KLRG2: variants seen among roughly 807,000 people sequenced by gnomAD.
KLRG2 encodes killer cell lectin like receptor G2.
KLRG2 carries 39 observed loss-of-function variants against 35.4 expected under a neutral mutation model. That is an observed-to-expected ratio of 1.10 (90% CI 0.85 to 1.44). The LOEUF is 1.44. KLRG2 is among the 40% of genes most tolerant of loss of function. KLRG2 has a pLI of 0.00. For synonymous variants in KLRG2, 283 were observed against 265.8 expected, an observed-to-expected ratio of 1.06 and a Z score of -0.63; for missense variants, 632 against 570.9, an observed-to-expected ratio of 1.11 and a Z score of -1.09.
At chr7:139,438,457 T>G in the KLRG2 span, among the ~76,000 whole-genome samples, 1 of 152,158 alleles carries the variant, frequency 6.6e-6, no homozygotes, top group Admixed American at 6.6e-5. Flanking sequence ...GTCCAAGAGA[T>G]CCTCCTGCCT....
At chr7:139,429,821 T>TC in the KLRG2 span, among the ~76,000 whole-genome samples, 290 of 150,834 alleles carry the variant, frequency 1.9e-3, 1 homozygote, top group African/African-American at 6.6e-3. Flanking sequence ...TTCCCCACCT[T>TC]CCCCCCCCTT....
chr7:139,451,417 T>C (rs1796373606), downstream of KLRG2, among the ~76,000 whole-genome samples: 2 of 152,074 alleles, frequency 1.3e-5, no homozygotes, highest in Admixed American at 1.3e-4. Context: ...GGAGAATCAT[T>C]TGAACCCAGG....
the KLRG2 span, among the ~76,000 whole-genome samples, chr7:139,437,973 G>T: frequency 6.6e-6 from 1 of 152,188 alleles, no homozygotes; most frequent in Admixed American, 6.5e-5. Context: ...CCAGCTAGTG[G>T]CCTGTTGGGG....
chr7:139,448,925 G>C (rs1211042442), downstream of KLRG2: 1 of 151,752 alleles, frequency 6.6e-6, no homozygotes, highest in Non-Finnish European at 1.5e-5. Flanking sequence ...TGGTCAAGAT[G>C]ATGAAACCCC....
At chr7:139,472,935 CAG>C (rs1796784597) in intron 3 of KLRG2, among the ~76,000 whole-genome samples, 3 of 152,222 alleles carry the variant, frequency 2.0e-5, no homozygotes, top group Non-Finnish European at 4.4e-5. Context: ...AGACGAACCA[CAG>C]AGGCTTTTAG....
In KLRG2 at chr7:139,483,220, C is replaced by T. The variant is rs375435132; in HGVS notation, c.423G>A (p.Thr141=). The change falls in exon 1 of 5, where the codon ACG becomes ACA. Residue 141 remains threonine, a synonymous_variant. Transcript: ENST00000340940. ...KPVGAAGGSS[T]PSPRPSTRFL... is the part of the protein sequence containing the mutation. ...AGCGCGTGGAGGGCCTGGGCGATGG[C>T]GTGCTGCTGCCACCGGCCGCGCCCA... The T allele has an allele frequency of 3.1e-5, 47 of 1,531,072 alleles. No homozygotes were observed. The African/African-American group carries it at 6.4e-4, about 21-fold the overall frequency. 94.8% of individuals were successfully genotyped at this position (1,531,072 alleles called of 1,614,324 possible). A position where few individuals can be genotyped will look rare whatever the true frequency, so the allele number is the denominator to read the frequency against.
chr7:139,444,997 CAA>C, the KLRG2 span, among the ~76,000 whole-genome samples: 9 of 152,056 alleles, frequency 5.9e-5, no homozygotes, highest in Admixed American at 5.2e-4. Context: ...CACCCAAACA[CAA>C]AGAGATTCAG....
At chr7:139,429,545 G>C in the KLRG2 span, among the ~76,000 whole-genome samples, 1 of 151,554 alleles carries the variant, frequency 6.6e-6, no homozygotes, top group Non-Finnish European at 1.5e-5. Flanking sequence ...TGTGTCCCTG[G>C]GTACTTGAGA....
At chr7:139,430,257 C>T in the KLRG2 span, among the ~76,000 whole-genome samples, 1 of 152,188 alleles carries the variant, frequency 6.6e-6, no homozygotes, top group African/African-American at 2.4e-5. Context: ...ACAAAATTAG[C>T]CAGGCGTGGT....
chr7:139,466,299 A>C (rs1185090001), intron 3 of KLRG2, among the ~76,000 whole-genome samples: 2 of 152,162 alleles, frequency 1.3e-5, no homozygotes, highest in African/African-American at 4.8e-5. Flanking sequence ...GGGTCTGAGA[A>C]GGCCACCGCG....
In KLRG2 at chr7:139,483,286, C is replaced by T. The variant is rs1340052085; in HGVS notation, c.357G>A (p.Trp119Ter). Residue 119 changes from tryptophan (W) to a stop codon, truncating the protein, a stop_gained, in exon 1 of 5, where the codon TGG (tryptophan) becomes TGA (stop). Transcript: ENST00000340940. LOFTEE classifies it high-confidence loss of function. ...CATCTACCTGCAGCTCCATGGGCGC[C>T]CAGGCGCTGGGCGCAGGCTCAGCCC... is the stretch of plus-strand genomic sequence containing the variant. ...APGAEPAPSA[W>*]APMELQVDVR... 1 of 1,558,932 alleles carries T rather than the reference C, an allele frequency of 6.4e-7. No individual in the cohort carries two copies. The highest frequency in any genetic ancestry group is 1.8e-5 in the Admixed American group (1 of 55,060).
intron 1 of KLRG2, among the ~76,000 whole-genome samples, chr7:139,482,310 T>C (rs1162062525): frequency 6.6e-6 from 1 of 152,208 alleles, no homozygotes; most frequent in African/African-American, 2.4e-5. Flanking sequence ...CTTCCACTGC[T>C]ACTTCTCAAA....
chr7:139,481,087 C>A (rs375986221), intron 1 of KLRG2, among the ~76,000 whole-genome samples: 4 of 152,102 alleles, frequency 2.6e-5, no homozygotes, highest in East Asian at 3.9e-4. Context: ...TGGTGAGCAT[C>A]AGAAGTGGCA....
chr7:139,437,487 C>T, the KLRG2 span, among the ~76,000 whole-genome samples: 3 of 151,306 alleles, frequency 2.0e-5, no homozygotes, highest in Non-Finnish European at 2.9e-5. Flanking sequence ...GACAGAGTCT[C>T]GCTCTGTTGC....
chr7:139,431,376 CT>C, the KLRG2 span, among the ~76,000 whole-genome samples: 1 of 152,010 alleles, frequency 6.6e-6, no homozygotes, highest in East Asian at 1.9e-4. Context: ...AATAGATACA[CT>C]TTCTTCATTA....
At chr7:139,473,461 C>A (rs1415722840) in intron 3 of KLRG2, among the ~76,000 whole-genome samples, 1 of 152,104 alleles carries the variant, frequency 6.6e-6, no homozygotes. Context: ...TAAAAAAGCT[C>A]AGCCTCACCC....
chr7:139,450,841 C>T (rs1055134966), downstream of KLRG2, among the ~76,000 whole-genome samples: 5 of 152,302 alleles, frequency 3.3e-5, no homozygotes, highest in Middle Eastern at 3.4e-3. Flanking sequence ...CCCCTTCAAA[C>T]TGGCTGGCCC....
chr7:139,480,128 A>G lies in KLRG2; in HGVS notation c.859+18T>C, dbSNP rs763258232. 16 of 1,530,358 alleles carry G rather than the reference A, an allele frequency of 1.0e-5. No individual in the cohort carries two copies. The highest frequency in any genetic ancestry group is 1.7e-4 in the Middle Eastern group (1 of 5,906). 94.8% of individuals were successfully genotyped at this position (1,530,358 alleles called of 1,614,324 possible). ...GGAGCGGCAGGGAGAGGGGATGGGG[A>G]CTGCAGGGACACCATACCTGCTCTT... On this transcript the variant is annotated intron_variant, in intron 2 of 4. Transcript: ENST00000340940.
intron 3 of KLRG2, among the ~76,000 whole-genome samples, chr7:139,455,462 C>G (rs921472269): frequency 6.6e-6 from 1 of 151,924 alleles, no homozygotes; most frequent in Non-Finnish European, 1.5e-5. Context: ...GCTGGGACTA[C>G]AGGCACCCGC....
Sources: allele counts gnomAD v4.1 joint callset (sites outside exome capture counted in the v4.1 genomes callset), GRCh38; gene constraint gnomAD v4.1.1; transcripts MANE v1.5; gene names NCBI Gene and HGNC (gene_info 2026-07-23, HGNC 2026-07-21).